The following LRRC4C variants were observed in gnomAD, a reference collection of about 807,000 sequenced individuals.
LRRC4C encodes the protein leucine-rich repeat-containing protein 4C.
LRRC4C carries 5 observed loss-of-function variants against 33.6 expected under a neutral mutation model. That is an observed-to-expected ratio of 0.15 (90% CI 0.08 to 0.31). The LOEUF (loss-of-function observed/expected upper bound fraction) is 0.31, where lower values mean the gene tolerates loss of function less well. Among genes scored for constraint, LRRC4C ranks in the 10% least tolerant of loss-of-function variants. The pLI is 1.00. For missense variants in LRRC4C, 560 were observed against 796.7 expected (o/e 0.70, Z 3.58); for synonymous variants, 329 against 302.0 (o/e 1.09, Z -0.93).
chr11:40,394,335 C>T (rs540854394), intron 3 of LRRC4C, among the ~76,000 whole-genome samples: 1 of 152,214 alleles, frequency 6.6e-6, no homozygotes, highest in East Asian at 1.9e-4. Context: ...CTAAAAATAA[C>T]AGTGCAGGCC....
chr11:40,383,920 A>AATT (rs143241296), intron 3 of LRRC4C, among the ~76,000 whole-genome samples: 14,033 of 135,326 alleles, frequency 0.1, 789 homozygotes, highest in East Asian at 0.29. Flanking sequence ...TTTTAATTCA[A>AATT]ATTATTATTA....
At chr11:40,576,693 A>G (rs1958207251) in intron 3 of LRRC4C, among the ~76,000 whole-genome samples, 1 of 152,136 alleles carries the variant, frequency 6.6e-6, no homozygotes, top group African/African-American at 2.4e-5. Context: ...TATTCCCTTC[A>G]TAGTTTTCTA....
intron 1 of LRRC4C, among the ~76,000 whole-genome samples, chr11:41,437,399 G>GCA (rs1169157103): frequency 7.1e-6 from 1 of 140,768 alleles, no homozygotes; most frequent in Non-Finnish European, 1.5e-5. Flanking sequence ...AGACACACAC[G>GCA]CACACACACA....
At chr11:40,680,685 G>A (rs919056028) in intron 2 of LRRC4C, among the ~76,000 whole-genome samples, 13 of 152,076 alleles carry the variant, frequency 8.5e-5, no homozygotes, top group African/African-American at 2.7e-4. Context: ...TGATTGTGAG[G>A]CCCCATCAGC....
At chr11:41,372,090 T>G (rs1473317231) in intron 1 of LRRC4C, among the ~76,000 whole-genome samples, 6 of 152,190 alleles carry the variant, frequency 3.9e-5, no homozygotes, top group African/African-American at 1.4e-4. Flanking sequence ...TGAGCCAAGA[T>G]CGTGCCACTG....
chr11:40,298,401 G>A (rs1256905429), intron 4 of LRRC4C, among the ~76,000 whole-genome samples: 1 of 150,674 alleles, frequency 6.6e-6, no homozygotes, highest in Non-Finnish European at 1.5e-5. Flanking sequence ...ATCTAGAATG[G>A]TCTCAGCTAT....
intron 3 of LRRC4C, among the ~76,000 whole-genome samples, chr11:40,402,810 C>G (rs1351817655): frequency 6.6e-6 from 1 of 151,936 alleles, no homozygotes; most frequent in African/African-American, 2.4e-5. Context: ...TCCTTAGAAG[C>G]AAAAAATATG....
At chr11:40,415,841 G>C (rs1950305957) in intron 3 of LRRC4C, among the ~76,000 whole-genome samples, 1 of 152,080 alleles carries the variant, frequency 6.6e-6, no homozygotes, top group African/African-American at 2.4e-5. Flanking sequence ...TATCAAGAAA[G>C]GAAATAAAAG....
intron 1 of LRRC4C, among the ~76,000 whole-genome samples, chr11:41,199,740 A>T (rs934252088): frequency 2.0e-5 from 3 of 152,060 alleles, no homozygotes; most frequent in African/African-American, 7.2e-5. Context: ...TTGCTAGAAG[A>T]CACCAAGGGA....
intron 4 of LRRC4C, among the ~76,000 whole-genome samples, chr11:40,301,419 G>A (rs543827333): frequency 2.5e-4 from 38 of 152,274 alleles, no homozygotes; most frequent in Admixed American, 8.5e-4. Context: ...GCCCATAAAG[G>A]TATCTTTAAA....
chr11:40,804,609 T>C (rs1951170652), intron 2 of LRRC4C, among the ~76,000 whole-genome samples: 1 of 152,150 alleles, frequency 6.6e-6, no homozygotes, highest in Non-Finnish European at 1.5e-5. Context: ...CCCAAGCATG[T>C]ATTATTATTA....
At chr11:40,707,333 T>C (rs1946219346) in intron 2 of LRRC4C, among the ~76,000 whole-genome samples, 2 of 152,238 alleles carry the variant, frequency 1.3e-5, no homozygotes, top group African/African-American at 4.8e-5. Flanking sequence ...TTCAGTATGA[T>C]ACTGGCTGTG....
At chr11:40,229,375 C>T (rs748374520) in intron 5 of LRRC4C, among the ~76,000 whole-genome samples, 1 of 152,036 alleles carries the variant, frequency 6.6e-6, no homozygotes, top group Non-Finnish European at 1.5e-5. Context: ...CGGGTTCAGG[C>T]AATTCTCCTG....
At position 40,154,117 on chromosome 11, in the gene LRRC4C, G is replaced by A. The variant is rs542045222; in HGVS notation, c.-95-13264C>T. On this transcript the variant is annotated intron_variant, in intron 5 of 6. Transcript: ENST00000528697. Reference sequence around the variant, plus strand: ...AAACCCTGCAAGCTAGACGGGATTGGGGCCCTATCTTCACCCTTCTCAAAC... The same window carrying A: ...AAACCCTGCAAGCTAGACGGGATTGAGGCCCTATCTTCACCCTTCTCAAAC... Among the ~76,000 whole-genome samples the A allele has an allele frequency of 2.6e-5, 4 of 152,152 alleles. No individual in the cohort carries two copies. The East Asian group carries it at 7.7e-4, about 29-fold the overall frequency.
intron 1 of LRRC4C, among the ~76,000 whole-genome samples, chr11:41,363,883 TTCAACATTAGTC>T (rs760134233): frequency 9.2e-5 from 14 of 152,198 alleles, no homozygotes; most frequent in Non-Finnish European, 1.9e-4. Flanking sequence ...TTGTAGTCAC[TTCAACATTAGTC>T]TCAACATTAG....
At chr11:41,026,717 G>A (rs892023682) in intron 1 of LRRC4C, among the ~76,000 whole-genome samples, 2 of 151,066 alleles carry the variant, frequency 1.3e-5, no homozygotes, top group African/African-American at 2.4e-5. Context: ...AGCAGCCATC[G>A]ACATTGAGAA....
At chr11:41,124,744 A>G (rs1179097313) in intron 1 of LRRC4C, among the ~76,000 whole-genome samples, 1 of 152,130 alleles carries the variant, frequency 6.6e-6, no homozygotes, top group African/African-American at 2.4e-5. Flanking sequence ...CAGCCTGACA[A>G]TTTTCAAGAA....
intron 3 of LRRC4C, among the ~76,000 whole-genome samples, chr11:40,472,280 A>G (rs1383722155): frequency 6.6e-6 from 1 of 151,800 alleles, no homozygotes; most frequent in African/African-American, 2.4e-5. Flanking sequence ...ACTCTGTCTC[A>G]AAATAAATAA....
chr11:41,234,954 G>A (rs1457822800), intron 1 of LRRC4C, among the ~76,000 whole-genome samples: 1 of 152,050 alleles, frequency 6.6e-6, no homozygotes, highest in South Asian at 2.1e-4. Context: ...ATTGCAAAGG[G>A]CCAGAGCCTG....
Sources: gnomAD v4.1 joint callset for allele counts (sites outside exome capture counted in the v4.1 genomes callset) on GRCh38, gnomAD v4.1.1 for gene constraint, MANE v1.5 for transcripts, NCBI Gene and HGNC (gene_info 2026-07-23, HGNC 2026-07-21) for gene names.